The following PLXNA4 variants were observed in gnomAD, a reference collection of about 807,000 sequenced individuals.
The protein encoded by PLXNA4 is plexin A4, also known as plexin-A4.
PLXNA4 carries 44 observed loss-of-function variants against 191.8 expected under a neutral mutation model. The ratio of observed to expected loss-of-function variants is 0.23; its 90% CI spans 0.18 to 0.29. The LOEUF (loss-of-function observed/expected upper bound fraction) is 0.29. Ranked by LOEUF, PLXNA4 falls within the 10% of genes least tolerant of loss-of-function variation. The pLI, the probability that PLXNA4 is intolerant of heterozygous loss-of-function variation, is 1.00. For missense variants in PLXNA4, 1,800 were observed against 2,488.8 expected (o/e 0.72, Z 5.89); for synonymous variants, 1,082 against 1,009.5 (o/e 1.07, Z -1.36).
intron 3 of PLXNA4, among the ~76,000 whole-genome samples, chr7:132,407,770 C>T (rs1224096233): frequency 1.3e-5 from 2 of 152,196 alleles, no homozygotes; most frequent in Admixed American, 1.3e-4. Flanking sequence ...TTAAATGAAA[C>T]TGTTTATTCA....
intron 3 of PLXNA4, among the ~76,000 whole-genome samples, chr7:132,328,996 G>A (rs1055819690): frequency 4.6e-5 from 7 of 152,168 alleles, no homozygotes; most frequent in African/African-American, 7.2e-5. Flanking sequence ...TTCTCAAAGC[G>A]TGGTTCTGGC....
chr7:132,350,787 A>T (rs902911895), intron 3 of PLXNA4, among the ~76,000 whole-genome samples: 2 of 152,236 alleles, frequency 1.3e-5, no homozygotes, highest in African/African-American at 4.8e-5. Context: ...ACTCCTTGAA[A>T]TATATGCAAG....
chr7:132,338,123 A>G (rs1802888631), intron 3 of PLXNA4, among the ~76,000 whole-genome samples: 1 of 152,212 alleles, frequency 6.6e-6, no homozygotes, highest in Non-Finnish European at 1.5e-5. Context: ...ATATTCTCAG[A>G]TGCATACTGT....
intron 1 of PLXNA4, among the ~76,000 whole-genome samples, chr7:132,550,485 G>A (rs1202605288): frequency 3.9e-5 from 6 of 152,232 alleles, no homozygotes; most frequent in Non-Finnish European, 8.8e-5. Flanking sequence ...AGCAATGAGA[G>A]GGAGGGGTCA....
intron 1 of PLXNA4, among the ~76,000 whole-genome samples, chr7:132,509,034 G>A (rs1438061501): frequency 1.3e-5 from 2 of 152,170 alleles, no homozygotes; most frequent in African/African-American, 2.4e-5. Flanking sequence ...CAGTGATGAT[G>A]ATGATGATCA....
chr7:132,571,655 C>T (rs975988454), intron 1 of PLXNA4, among the ~76,000 whole-genome samples: 3 of 152,162 alleles, frequency 2.0e-5, no homozygotes, highest in African/African-American at 7.2e-5. Context: ...TCAGCCTTAG[C>T]TTCTATGCTA....
At chr7:132,355,228 A>C (rs954481175) in intron 3 of PLXNA4, among the ~76,000 whole-genome samples, 1 of 152,218 alleles carries the variant, frequency 6.6e-6, no homozygotes, top group African/African-American at 2.4e-5. Flanking sequence ...GCTTCCTGCT[A>C]AGAGATGGCT....
In PLXNA4 at chr7:132,240,640, A is replaced by G. The variant is rs1342262732; in HGVS notation, c.1604+426T>C. On this transcript the variant is annotated intron_variant, in intron 5 of 31. Coordinates refer to ENST00000321063, the MANE Select transcript of PLXNA4 (RefSeq NM_020911.2). ...TGGAATCACTAAAGGGACAGCATAT[A>G]TCTTGTTTATGATTTCGGGGCCAGT... Among the ~76,000 whole-genome samples the G allele has an allele frequency of 3.3e-5, 5 of 152,220 alleles. No individual in the cohort carries two copies. The South Asian group carries it at 1.0e-3, about 32-fold the overall frequency.
intron 3 of PLXNA4, among the ~76,000 whole-genome samples, chr7:132,460,372 GAAA>G (rs371685741): frequency 8.2e-6 from 1 of 122,504 alleles, no homozygotes; most frequent in African/African-American, 3.0e-5. Flanking sequence ...CTCAAAAAAA[GAAA>G]AAAAAAAAAA....
chr7:132,631,095 T>C (rs1305222118), intron 2 of PLXNA4, among the ~76,000 whole-genome samples: 1 of 152,200 alleles, frequency 6.6e-6, no homozygotes, highest in African/African-American at 2.4e-5. Context: ...GCATAAAATT[T>C]CTTTGAAATC....
chr7:132,402,887 C>A (rs148245573), intron 3 of PLXNA4, among the ~76,000 whole-genome samples: 4 of 152,362 alleles, frequency 2.6e-5, no homozygotes, highest in African/African-American at 9.6e-5. Context: ...AGCACGCCCA[C>A]CCATTGACCC....
At chr7:132,369,795 G>A (rs1355747170) in intron 3 of PLXNA4, among the ~76,000 whole-genome samples, 3 of 151,920 alleles carry the variant, frequency 2.0e-5, no homozygotes, top group African/African-American at 4.8e-5. Flanking sequence ...GCGGCCGGGC[G>A]CGGTGCCTCC....
At chr7:132,394,741 C>G (rs186910306) in intron 3 of PLXNA4, among the ~76,000 whole-genome samples, 1 of 152,238 alleles carries the variant, frequency 6.6e-6, no homozygotes, top group Non-Finnish European at 1.5e-5. Context: ...TATGAAGAAC[C>G]TTTCCCCACT....
At chr7:132,435,649 G>A (rs75383312) in intron 3 of PLXNA4, among the ~76,000 whole-genome samples, 4,359 of 152,268 alleles carry the variant, frequency 0.029, 262 homozygotes, top group East Asian at 0.28. Context: ...GATGTTTGCT[G>A]GGGCCACCTG....
intron 3 of PLXNA4, among the ~76,000 whole-genome samples, chr7:132,473,374 T>G (rs1797002229): frequency 6.6e-6 from 1 of 152,126 alleles, no homozygotes; most frequent in Non-Finnish European, 1.5e-5. Flanking sequence ...GCTCCCCCAG[T>G]GTTTCCCAAA....
chr7:132,340,267 C>T (rs1011252655), intron 3 of PLXNA4, among the ~76,000 whole-genome samples: 43 of 152,274 alleles, frequency 2.8e-4, no homozygotes, highest in African/African-American at 9.9e-4. Context: ...CACTGTATTG[C>T]TTATTAAAGT....
intron 20 of PLXNA4, among the ~76,000 whole-genome samples, chr7:132,177,266 T>G (rs953250807): frequency 5.3e-5 from 8 of 151,946 alleles, no homozygotes; most frequent in African/African-American, 1.9e-4. Flanking sequence ...TGTGTGGGAG[T>G]GTTTGTAAAT....
intron 3 of PLXNA4, among the ~76,000 whole-genome samples, chr7:132,405,191 T>C (rs1015008112): frequency 4.6e-5 from 7 of 152,170 alleles, no homozygotes; most frequent in African/African-American, 1.7e-4. Context: ...AACATGGTAC[T>C]CCCAGCTTGG....
chr7:132,215,301 G>A (rs1370644930), intron 9 of PLXNA4, among the ~76,000 whole-genome samples: 2 of 152,066 alleles, frequency 1.3e-5, no homozygotes, highest in Non-Finnish European at 2.9e-5. Context: ...TGAGACAGGA[G>A]ATCTGCCAGC....
Sources: gnomAD v4.1 joint callset for allele counts (sites outside exome capture counted in the v4.1 genomes callset) on GRCh38, gnomAD v4.1.1 for gene constraint, MANE v1.5 for transcripts, NCBI Gene and HGNC (gene_info 2026-07-23, HGNC 2026-07-21) for gene names.